VAPA: variants seen among roughly 807,000 people sequenced by gnomAD.
VAPA encodes VAMP associated protein A.
In VAPA, 6 loss-of-function variants were observed where a neutral mutation model predicts 25.6. The observed-to-expected ratio is 0.23, with a 90% CI of 0.13 to 0.46. The LOEUF is 0.46. Among genes scored for constraint, VAPA ranks in the 20% least tolerant of loss-of-function variants. The probability of loss-of-function intolerance (pLI) is 0.99; values close to 1 mark genes in which losing one functional copy is unlikely to be tolerated. For synonymous variants in VAPA, 112 were observed against 106.2 expected (o/e 1.05, Z -0.34); for missense variants, 244 against 302.1 (o/e 0.81, Z 1.43).
At chr18:9,917,670 G>A (rs1035789993) in intron 1 of VAPA, among the ~76,000 whole-genome samples, 11 of 152,198 alleles carry the variant, frequency 7.2e-5, no homozygotes, top group Non-Finnish European at 1.2e-4. Flanking sequence ...ATCAGAGAGA[G>A]ACGAAAATAA....
At position 9,914,056 on chromosome 18, in the gene VAPA, G is replaced by A. The variant is rs571917427; in HGVS notation, c.-201G>A. The A allele has an allele frequency of 4.8e-4, 243 of 509,210 alleles. No individual in the cohort carries two copies. Among genetic ancestry groups the A allele is most frequent in the African/African-American group, 4.8e-3 (232 of 48,616 alleles). 31.5% of individuals were successfully genotyped at this position (509,210 alleles called of 1,614,324 possible). ...GCGTGGCCGTGGCGGCTGGTGTGGG[G>A]TTGAGTCAGTTGTGGGACCCGGAGC... is the stretch of plus-strand genomic sequence containing the variant. On this transcript the variant is annotated 5_prime_UTR_variant, in exon 1 of 6. Coordinates refer to ENST00000400000, the MANE Select transcript of VAPA (RefSeq NM_194434.3).
rs1484801602 is a variant in VAPA, at chr18:9,957,054, CAG to C, written c.*2846_*2847del. 1.3e-5 allele frequency: 2 copies of C among 150,438 alleles called. No individual in the cohort carries two copies. Among genetic ancestry groups the C allele is most frequent in the African/African-American group, 4.9e-5 (2 of 40,896 alleles). The allele number at this position is 150,438 out of a possible 1,614,324, so 9.3% of individuals were successfully genotyped here. On this transcript the variant is annotated 3_prime_UTR_variant, in exon 6 of 6. Transcript: ENST00000400000. The stretch of plus-strand genomic sequence containing the variant: ...TAATTCTTTCTTTTTTTTTTTGAGA[CAG>C]AGTCTTGCTTTGTTGCCCAGGCTGG...
At position 9,930,690 on chromosome 18, in the gene VAPA, C is replaced by CTT. The variant is rs138955028; in HGVS notation, c.80-1112_80-1111dup. ...AAGATCATACTTTGTCATATGTATG[C>CTT]TTTTTTTTTAAAAAAAAAATGCAGA... On this transcript the variant is annotated intron_variant, in intron 1 of 5. Coordinates refer to ENST00000400000, the MANE Select transcript of VAPA (RefSeq NM_194434.3). 3.8e-4 allele frequency among the ~76,000 whole-genome samples: 56 copies of CTT among 149,034 alleles called. 1 individual carries two copies. The highest frequency in any genetic ancestry group is 3.2e-3 in the South Asian group (15 of 4,744).
intron 4 of VAPA, chr18:9,948,307 A>G (rs1444523531): frequency 6.6e-6 from 1 of 152,184 alleles, no homozygotes; most frequent in Non-Finnish European, 1.5e-5. Context: ...ATTTGAAAGA[A>G]TGGAAAGCTG....
intron 2 of VAPA, among the ~76,000 whole-genome samples, chr18:9,933,475 A>C (rs554366215): frequency 1.3e-5 from 2 of 152,250 alleles, no homozygotes; most frequent in African/African-American, 4.8e-5. Context: ...GAAGGAATGC[A>C]TGCACTCTGC....
At chr18:9,926,775 T>A (rs571637424) in intron 1 of VAPA, among the ~76,000 whole-genome samples, 1 of 152,212 alleles carries the variant, frequency 6.6e-6, no homozygotes, top group African/African-American at 2.4e-5. Flanking sequence ...TGAACAAACC[T>A]GCCCCTCTCC....
chr18:9,959,350 A>G lies in VAPA; in HGVS notation c.*5139A>G, dbSNP rs1055927594. On this transcript the variant is annotated 3_prime_UTR_variant, in exon 6 of 6. Coordinates refer to ENST00000400000, the MANE Select transcript of VAPA (RefSeq NM_194434.3). Reference sequence around the variant, plus strand: ...TTTTTGAAGACTGCTTTCCCCCTTTATCTCCCAGAAAATTGAGAAGAAGTA... The same window carrying G: ...TTTTTGAAGACTGCTTTCCCCCTTTGTCTCCCAGAAAATTGAGAAGAAGTA... 3 of 152,102 alleles carry G rather than the reference A, an allele frequency of 2.0e-5. No homozygotes were observed. Among genetic ancestry groups the G allele is most frequent in the Non-Finnish European group, 4.4e-5 (3 of 68,012 alleles). The allele number at this position is 152,102 out of a possible 1,614,324, so 9.4% of individuals were successfully genotyped here.
chr18:9,926,445 C>A (rs2069200729), intron 1 of VAPA, among the ~76,000 whole-genome samples: 1 of 152,176 alleles, frequency 6.6e-6, no homozygotes, highest in Admixed American at 6.6e-5. Context: ...TTGTCAAGAA[C>A]TGTGAAGGGA....
intron 1 of VAPA, among the ~76,000 whole-genome samples, chr18:9,917,816 A>G (rs542063824): frequency 1.3e-5 from 2 of 152,050 alleles, no homozygotes; most frequent in South Asian, 4.2e-4. Flanking sequence ...GCGGGGGGGA[A>G]ATTAGAGAAT....
rs902901136 is a variant in VAPA, at chr18:9,954,995, A to G, written c.*784A>G. 1.3e-5 allele frequency: 2 copies of G among 152,188 alleles called. No individual in the cohort carries two copies. The highest frequency in any genetic ancestry group is 2.9e-5 in the Non-Finnish European group (2 of 68,016). 9.4% of individuals were successfully genotyped at this position (152,188 alleles called of 1,614,324 possible). A position where few individuals can be genotyped will look rare whatever the true frequency, so the allele number is the denominator to read the frequency against. On this transcript the variant is annotated 3_prime_UTR_variant, in exon 6 of 6. Coordinates refer to ENST00000400000, the MANE Select transcript of VAPA (RefSeq NM_194434.3). ...GGAGTTGATTAAATTTTAAGGTACC[A>G]CTGGTATTTTGGGAGATTATAATCA...
intron 2 of VAPA, among the ~76,000 whole-genome samples, chr18:9,932,185 A>T (rs29158): frequency 6.6e-6 from 1 of 152,126 alleles, no homozygotes; most frequent in Non-Finnish European, 1.5e-5. Context: ...ATTATTGTCA[A>T]TTACAAACTT....
Position 9,956,069 on chromosome 18 carries a change from G to A in VAPA, c.*1858G>A, listed in dbSNP as rs992959235. On this transcript the variant is annotated 3_prime_UTR_variant, in exon 6 of 6. Transcript: ENST00000400000. ...AGCTATCTTTTTTTAAAGAAATTAA[G>A]TTCTTGAAAATTTAGCCAAATCCCG... The A allele has an allele frequency of 6.6e-6, 1 of 152,092 alleles. No individual in the cohort carries two copies. The highest frequency in any genetic ancestry group is 2.4e-5 in the African/African-American group (1 of 41,428). 9.4% of individuals were successfully genotyped at this position (152,092 alleles called of 1,614,324 possible).
At chr18:9,921,742 G>A (rs112354677) in intron 1 of VAPA, among the ~76,000 whole-genome samples, 1 of 152,138 alleles carries the variant, frequency 6.6e-6, no homozygotes, top group Non-Finnish European at 1.5e-5. Context: ...AATTAAATGT[G>A]CGAGAGGACT....
intron 5 of VAPA, among the ~76,000 whole-genome samples, chr18:9,953,666 G>A (rs1302293721): frequency 6.6e-6 from 1 of 152,108 alleles, no homozygotes; most frequent in Non-Finnish European, 1.5e-5. Flanking sequence ...GGCCACCTTG[G>A]AAGTACTCTT....
chr18:9,921,952 C>T (rs1044743600), intron 1 of VAPA, among the ~76,000 whole-genome samples: 3 of 151,752 alleles, frequency 2.0e-5, no homozygotes, highest in Admixed American at 6.6e-5. Flanking sequence ...TATAATCATA[C>T]GTGTTTATTT....
chr18:9,959,320 T>G lies in VAPA; in HGVS notation c.*5109T>G, dbSNP rs971926195. ...TGAAATGTCTTTAAGATTTTTGGTC[T>G]TAAATTTTTGAAGACTGCTTTCCCC... On this transcript the variant is annotated 3_prime_UTR_variant, in exon 6 of 6. Coordinates refer to ENST00000400000, the MANE Select transcript of VAPA (RefSeq NM_194434.3). 5.3e-5 allele frequency: 8 copies of G among 152,190 alleles called. No individual in the cohort carries two copies. Among genetic ancestry groups the G allele is most frequent in the African/African-American group, 1.9e-4 (8 of 41,450 alleles). The allele number at this position is 152,190 out of a possible 1,614,324, so 9.4% of individuals were successfully genotyped here.
intron 4 of VAPA, chr18:9,948,797 T>G (rs569416714): frequency 1.3e-5 from 2 of 152,556 alleles, no homozygotes; most frequent in Admixed American, 1.3e-4. Flanking sequence ...ACTCCTGGGC[T>G]CAAGCAGGCC....
Position 9,928,591 on chromosome 18 carries a change from A to T in VAPA, c.80-3219A>T, listed in dbSNP as rs8089454. Among the ~76,000 whole-genome samples, 324 of 152,298 alleles carry T rather than the reference A, an allele frequency of 2.1e-3. 2 individuals carry two copies. The highest frequency in any genetic ancestry group is 7.4e-3 in the African/African-American group (309 of 41,578). On this transcript the variant is annotated intron_variant, in intron 1 of 5. Transcript: ENST00000400000. ...TTCAGGGGTTCTTAACTCTAACTTC[A>T]TAACTCATTTTTATATTTTGTAATG...
At position 9,936,172 on chromosome 18, in the gene VAPA, A is replaced by T; in HGVS notation, c.295A>T (p.Thr99Ser). 1.2e-6 allele frequency: 2 copies of T among 1,607,674 alleles called. No homozygotes were observed. The highest frequency in any genetic ancestry group is 2.2e-5 in the East Asian group (1 of 44,614). The change falls in exon 3 of 6, where the codon ACA becomes TCA. Residue 99 changes from threonine to serine, a missense_variant. Thr to Ser is a moderately conservative substitution (Grantham distance 58). Around this residue, in one of 2 missense-constraint regions of VAPA, gnomAD observed 99 missense variants for 161.6 expected, o/e 0.61. Transcript: ENST00000400000. The stretch of plus-strand genomic sequence containing the variant: ...GAGTAAACACAAGTTTATGGTACAG[A>T]CAATTTTTGCTCCACCAAACACTTC... The part of the protein sequence containing the change: ...EKSKHKFMVQ[T>S]IFAPPNTSDM...
Sources: gnomAD v4.1 joint callset for allele counts (sites outside exome capture counted in the v4.1 genomes callset) on GRCh38, gnomAD v4.1.1 for gene constraint, gnomAD v4.1.1 regional missense constraint, MANE v1.5 for transcripts, NCBI Gene and HGNC (gene_info 2026-07-23, HGNC 2026-07-21) for gene names.